Variants in HERC2 observed in about 807,000 individuals in gnomAD.
The protein encoded by HERC2 is E3 ubiquitin-protein ligase HERC2.
HERC2 carries 102 observed loss-of-function variants against 537.7 expected under a neutral mutation model. That is an observed-to-expected ratio of 0.19 (90% confidence interval 0.16 to 0.22). The LOEUF is 0.22. Among genes scored for constraint, HERC2 ranks in the 10% least tolerant of loss-of-function variants. The pLI is 1.00. For missense variants in HERC2, 4,236 were observed against 6,198.2 expected (o/e 0.68, Z 10.63); for synonymous variants, 2,224 against 2,466.2 (o/e 0.90, Z 2.91).
intron 79 of HERC2, among the ~76,000 whole-genome samples, chr15:28,133,353 T>C (rs1270258683): frequency 6.6e-6 from 1 of 152,220 alleles, no homozygotes; most frequent in Non-Finnish European, 1.5e-5. Context: ...ATTTTGGCTA[T>C]CAGACCTTAG....
intron 15 of HERC2, among the ~76,000 whole-genome samples, chr15:28,262,248 C>A (rs904441024): frequency 2.0e-5 from 3 of 152,130 alleles, no homozygotes; most frequent in Non-Finnish European, 2.9e-5. Context: ...ATCCCTCCAA[C>A]ATCATAGTTT....
At chr15:28,226,476 A>AT (rs1308204737) in intron 35 of HERC2, among the ~76,000 whole-genome samples, 1 of 152,078 alleles carries the variant, frequency 6.6e-6, no homozygotes, top group Non-Finnish European at 1.5e-5. Flanking sequence ...CAGCCAACTG[A>AT]TTTTTGCCAA....
At chr15:28,307,306 T>C (rs1483300613) in intron 2 of HERC2, among the ~76,000 whole-genome samples, 9 of 152,254 alleles carry the variant, frequency 5.9e-5, no homozygotes, top group African/African-American at 2.2e-4. Context: ...ATTTATCTTT[T>C]AGAAAAACCA....
rs144247777 is a variant in HERC2 at position 28,278,074 on chromosome 15, G to A, written c.542+1994C>T. 6.5e-3 allele frequency among the ~76,000 whole-genome samples: 981 copies of A among 151,412 alleles called. 10 individuals carry two copies. Among genetic ancestry groups the A allele is most frequent in the African/African-American group, 0.023 (928 of 41,232 alleles). On this transcript the variant is annotated intron_variant, in intron 5 of 92. Coordinates refer to ENST00000261609, the MANE Select transcript of HERC2 (RefSeq NM_004667.6). Reference sequence around the variant, plus strand: ...GGTTCAAGACCAGCCCGGGCAACATGGCAAAACCCAATCTATACAAATTAA... The same window carrying A: ...GGTTCAAGACCAGCCCGGGCAACATAGCAAAACCCAATCTATACAAATTAA...
At chr15:28,181,574 A>G (rs2140189392) in intron 57 of HERC2, among the ~76,000 whole-genome samples, 1 of 152,376 alleles carries the variant, frequency 6.6e-6, no homozygotes, top group Middle Eastern at 3.4e-3. Context: ...ACTAACAGGA[A>G]GCATAAGCTC....
At position 28,265,484 on chromosome 15, in the gene HERC2, C is replaced by CCACT. The variant is rs1223774251; in HGVS notation, c.1870+130_1870+133dup. ...AACCACCCGGGCCTCTTCCCCAATG[C>CCACT]CACTGAGCCCCACACCCACTGGGCG... is the stretch of plus-strand genomic sequence containing the variant. On this transcript the variant is annotated intron_variant, in intron 14 of 92. Transcript: ENST00000261609. This position sits in a 1 kb window ranked among gnomAD's most constrained non-coding sequence, Gnocchi z 4.0. 1.5e-6 allele frequency: 1 copy of CCACT among 682,256 alleles called. No individual in the cohort carries two copies. The highest frequency in any genetic ancestry group is 1.8e-5 in the African/African-American group (1 of 55,976). The allele number at this position is 682,256 out of a possible 1,614,324, so 42.3% of individuals were successfully genotyped here. A position where few individuals can be genotyped will look rare whatever the true frequency, so the allele number is the denominator to read the frequency against.
chr15:28,184,005 C>T (rs1047842529), intron 56 of HERC2, among the ~76,000 whole-genome samples: 2 of 151,618 alleles, frequency 1.3e-5, no homozygotes, highest in East Asian at 1.9e-4. Flanking sequence ...CTGGGCAACA[C>T]GGTGAAACCT....
chr15:28,228,491 T>C, intron 34 of HERC2, 82 bp from the exon 35 acceptor site: 1 of 1,280,022 alleles, frequency 7.8e-7, no homozygotes, highest in Non-Finnish European at 1.1e-6. Context: ...GCGATTACTC[T>C]AAACATCTGA....
intron 52 of HERC2, among the ~76,000 whole-genome samples, chr15:28,195,996 C>T (rs1596191557): frequency 6.6e-6 from 1 of 152,100 alleles, no homozygotes. Flanking sequence ...GCAAACAAGC[C>T]TAGTTATTCT....
chr15:28,239,248 C>T (rs1209687332), intron 23 of HERC2, among the ~76,000 whole-genome samples: 1 of 152,050 alleles, frequency 6.6e-6, no homozygotes, highest in Non-Finnish European at 1.5e-5. Context: ...TGGTGACATA[C>T]AACTAAATGC....
In HERC2 at chr15:28,181,714, CACCT is replaced by C. The variant is rs371718759; in HGVS notation, c.8937+683_8937+686del. Among the ~76,000 whole-genome samples, 904 of 152,336 alleles carry C rather than the reference CACCT, an allele frequency of 5.9e-3. 3 individuals are homozygous for C. The highest frequency in any genetic ancestry group is 9.6e-3 in the Non-Finnish European group (655 of 68,022). On this transcript the variant is annotated intron_variant, in intron 57 of 92. Coordinates refer to ENST00000261609, the MANE Select transcript of HERC2 (RefSeq NM_004667.6). ...TCCAATTCAAATGCATCATTTCTTA[CACCT>C]ATTCTTTTCAAAATATGGTCTTTTT...
Position 28,250,460 on chromosome 15 carries a change from GTTTA to G in HERC2, c.3051-1728_3051-1725del, listed in dbSNP as rs537036546. Among the ~76,000 whole-genome samples, 78 of 152,200 alleles carry G rather than the reference GTTTA, an allele frequency of 5.1e-4. No individual in the cohort carries two copies. The East Asian group carries it at 0.01, about 20-fold the overall frequency. On this transcript the variant is annotated intron_variant, in intron 20 of 92. Coordinates refer to ENST00000261609, the MANE Select transcript of HERC2 (RefSeq NM_004667.6). ...GTAATACAATACAATGAAATTTTTAGTTTATTTAATATAAAATTTAGAGCCATAA... is the reference window on the plus strand; with the variant it reads ...GTAATACAATACAATGAAATTTTTAGTTTAATATAAAATTTAGAGCCATAA...
rs570198691 is a variant in HERC2 at position 28,260,900 on chromosome 15, G to A, written c.2193C>T (p.His731=). ...GGCACTGGTCGTTGCTCCCCCAGCT[G>A]TGGACCTCGCTGTCCTCAGTCAGAG... ...CLALTEDSEV[H]SWGSNDQCQH... is the part of the protein sequence containing the mutation. The change falls in exon 16 of 93, where the codon CAC becomes CAT. Residue 731 remains histidine, a synonymous_variant. Transcript: ENST00000261609. 3.2e-5 allele frequency: 52 copies of A among 1,614,204 alleles called. No homozygotes were observed. The highest frequency in any genetic ancestry group is 1.6e-4 in the Middle Eastern group (1 of 6,062).
chr15:28,119,512 G>A (rs942117836), intron 86 of HERC2, among the ~76,000 whole-genome samples: 2 of 149,404 alleles, frequency 1.3e-5, no homozygotes, highest in Non-Finnish European at 3.0e-5. Context: ...GGAGTACGCT[G>A]GTATGATCTC....
At chr15:28,260,011 G>C (rs1165795274) in intron 16 of HERC2, among the ~76,000 whole-genome samples, 2 of 145,466 alleles carry the variant, frequency 1.4e-5, no homozygotes, top group Non-Finnish European at 3.0e-5. Context: ...TTGTGGCCAA[G>C]TGATGCCTAT....
intron 83 of HERC2, 82 bp from the exon 84 acceptor site, chr15:28,125,275 A>T (rs867083389): frequency 2.7e-6 from 3 of 1,114,646 alleles, no homozygotes; most frequent in Middle Eastern, 2.0e-4. Flanking sequence ...CACCACACAC[A>T]GCACCAACGC....
chr15:28,180,429 G>C (rs1213916069), intron 57 of HERC2, among the ~76,000 whole-genome samples: 2 of 152,168 alleles, frequency 1.3e-5, no homozygotes, highest in African/African-American at 4.8e-5. Context: ...AATATGTATG[G>C]TTACATTAAC....
Position 28,202,099 on chromosome 15 carries a change from T to C in HERC2, c.7617+14A>G, listed in dbSNP as rs1441145449. ...AGCGGCCCAGGTGCGGGCGGTCACATGGGAGGCACTGACCATGGAGTAGGC... is the reference window on the plus strand; with the variant it reads ...AGCGGCCCAGGTGCGGGCGGTCACACGGGAGGCACTGACCATGGAGTAGGC... On this transcript the variant is annotated intron_variant, in intron 47 of 92. Transcript: ENST00000261609. 2.1e-6 allele frequency: 3 copies of C among 1,448,636 alleles called. No homozygotes were observed. 89.7% of individuals were successfully genotyped at this position (1,448,636 alleles called of 1,614,324 possible). A position where few individuals can be genotyped will look rare whatever the true frequency, so the allele number is the denominator to read the frequency against.
chr15:28,318,633 A>G (rs2077153295), intron 2 of HERC2, among the ~76,000 whole-genome samples: 1 of 152,182 alleles, frequency 6.6e-6, no homozygotes, highest in Non-Finnish European at 1.5e-5. Flanking sequence ...AAAAAAAAAA[A>G]AAGTATTGTA....
Sources: gnomAD v4.1 joint callset for allele counts (sites outside exome capture counted in the v4.1 genomes callset) on GRCh38, gnomAD v4.1.1 for gene constraint, Gnocchi (gnomAD v3.1) non-coding constraint, MANE v1.5 for transcripts, NCBI Gene and HGNC (gene_info 2026-07-23, HGNC 2026-07-21) for gene names.